Variants in ITPR2 observed in about 807,000 individuals in gnomAD.
ITPR2 encodes the protein inositol 1,4,5-trisphosphate receptor type 2.
In ITPR2, 207 loss-of-function variants were observed where a neutral mutation model predicts 317.1. The ratio of observed to expected loss-of-function variants is 0.65; its 90% CI spans 0.58 to 0.73. The LOEUF is 0.73. ITPR2 is among the 30% of genes least tolerant of loss of function. ITPR2 has a pLI of 0.00. For missense variants in ITPR2, 2,613 were observed against 3,284.0 expected (o/e 0.80, Z 4.99); for synonymous variants, 1,156 against 1,149.1 (o/e 1.01, Z -0.12).
chr12:26,522,972 G>A (rs1345403289), intron 37 of ITPR2, among the ~76,000 whole-genome samples: 4 of 152,192 alleles, frequency 2.6e-5, no homozygotes, highest in Non-Finnish European at 5.9e-5. Context: ...ACATTTCGAT[G>A]CCTTGGGTTT....
chr12:26,593,977 A>G (rs1374306953), intron 32 of ITPR2, among the ~76,000 whole-genome samples: 1 of 152,234 alleles, frequency 6.6e-6, no homozygotes, highest in Non-Finnish European at 1.5e-5. Flanking sequence ...AAATCAGTCT[A>G]TAATCTCTTT....
chr12:26,779,622 C>T (rs773644935), intron 2 of ITPR2, among the ~76,000 whole-genome samples: 5 of 152,142 alleles, frequency 3.3e-5, no homozygotes, highest in Non-Finnish European at 7.4e-5. Flanking sequence ...GGGCCTGGTT[C>T]GCAGATAGTT....
chr12:26,428,878 G>A (rs1318544010), intron 48 of ITPR2, among the ~76,000 whole-genome samples: 3 of 152,324 alleles, frequency 2.0e-5, no homozygotes, highest in South Asian at 2.1e-4. Context: ...AGTAAATTAA[G>A]AGGCAACATT....
chr12:26,824,970 A>T (rs1369821044), intron 1 of ITPR2, among the ~76,000 whole-genome samples: 1 of 152,180 alleles, frequency 6.6e-6, no homozygotes. Context: ...AGTGGCTCAC[A>T]CCTGTAATCC....
chr12:26,520,267 T>C (rs1292573178), intron 37 of ITPR2, among the ~76,000 whole-genome samples: 2 of 152,196 alleles, frequency 1.3e-5, no homozygotes, highest in Admixed American at 6.5e-5. Flanking sequence ...ACATCTAGGA[T>C]AGGCTTTGCC....
rs150539692 is a variant in ITPR2, at chr12:26,397,774, G to A, written c.7696+1102C>T. Among the ~76,000 whole-genome samples, 178 of 152,268 alleles carry A rather than the reference G, an allele frequency of 1.2e-3. 5 individuals are homozygous for A. The East Asian group carries it at 0.032, about 27-fold the overall frequency. On this transcript the variant is annotated intron_variant, in intron 54 of 56. Transcript: ENST00000381340. ...GACCCAATTTGTTACATACAGTAAC[G>A]TTGTAGTGAACCCTTAGGCTTGTTT...
chr12:26,568,001 ATATAT>A (rs1945046677), intron 34 of ITPR2, among the ~76,000 whole-genome samples: 2 of 5,540 alleles, frequency 3.6e-4, no homozygotes, highest in African/African-American at 8.8e-4. Flanking sequence ...TATATATTAT[ATATAT>A]TATATATATA....
At chr12:26,655,367 C>G (rs370863751) in intron 20 of ITPR2, among the ~76,000 whole-genome samples, 1 of 152,144 alleles carries the variant, frequency 6.6e-6, no homozygotes, top group African/African-American at 2.4e-5. Flanking sequence ...GTAATCCCAG[C>G]ACTTTGGGAG....
At chr12:26,680,919 T>A (rs867116239) in intron 13 of ITPR2, among the ~76,000 whole-genome samples, 16 of 152,088 alleles carry the variant, frequency 1.1e-4, no homozygotes, top group Admixed American at 2.0e-4. Flanking sequence ...AGTCACGGGG[T>A]GTTTGCTTCT....
In ITPR2 at chr12:26,580,098, T is replaced by A. The variant is rs1235043927; in HGVS notation, c.4438A>T (p.Thr1480Ser). 1.2e-6 allele frequency: 2 copies of A among 1,611,636 alleles called. No individual in the cohort carries two copies. Among genetic ancestry groups the A allele is most frequent in the Non-Finnish European group, 1.7e-6 (2 of 1,178,052 alleles). Residue 1480 changes from threonine to serine, a missense_variant, in exon 33 of 57, where the codon ACT (threonine) becomes TCT (serine). Thr to Ser is a moderately conservative substitution (Grantham distance 58, BLOSUM62 1). Transcript: ENST00000381340. ...HADIFLEKCV[T>S]ESIMNIVSGF... ...CTCACAATATTCATTATTGACTCAGTAACACACTTTTCCAAAAAGATGTCT... is the reference window on the plus strand; with the variant it reads ...CTCACAATATTCATTATTGACTCAGAAACACACTTTTCCAAAAAGATGTCT...
At chr12:26,379,700 C>G (rs1017164525) in intron 55 of ITPR2, among the ~76,000 whole-genome samples, 1 of 152,156 alleles carries the variant, frequency 6.6e-6, no homozygotes, top group Admixed American at 6.5e-5. Flanking sequence ...CTGATACAGC[C>G]AGAGGCCTCC....
intron 55 of ITPR2, among the ~76,000 whole-genome samples, chr12:26,380,841 T>C (rs1450738856): frequency 2.0e-5 from 3 of 152,214 alleles, no homozygotes; most frequent in Non-Finnish European, 2.9e-5. Context: ...CTGATTTTGA[T>C]TTCCAGACTC....
chr12:26,715,416 T>C lies in ITPR2; in HGVS notation c.738A>G (p.Glu246=). Residue 246 remains glutamate (E), a synonymous_variant, in exon 8 of 57, where the codon GAA becomes GAG. Transcript: ENST00000381340. ...CATCACAAGTCAAAAACTTCTCTTG[T>C]TCCGCATGAAATAATCTAACAACGT... ...GGDVVRLFHA[E]QEKFLTCDEY... The C allele has an allele frequency of 6.2e-7, 1 of 1,613,520 alleles. No individual in the cohort carries two copies.
chr12:26,775,959 T>TATATATACATA (rs1263788006), intron 2 of ITPR2, among the ~76,000 whole-genome samples: 30 of 145,040 alleles, frequency 2.1e-4, no homozygotes, highest in East Asian at 4.1e-4. Context: ...TATATGTATA[T>TATATATACATA]CCTATTAGTT....
chr12:26,518,056 A>C (rs1943572064), intron 37 of ITPR2, among the ~76,000 whole-genome samples: 1 of 152,224 alleles, frequency 6.6e-6, no homozygotes, highest in African/African-American at 2.4e-5. Context: ...TTTTAATATA[A>C]AGTCACATAT....
chr12:26,650,540 G>A (rs1170011410), intron 21 of ITPR2, among the ~76,000 whole-genome samples: 1 of 151,916 alleles, frequency 6.6e-6, no homozygotes, highest in Non-Finnish European at 1.5e-5. Context: ...ATGTTGGGGG[G>A]CAGGTGATAA....
At chr12:26,653,408 A>AT (rs1387068938) in intron 21 of ITPR2, among the ~76,000 whole-genome samples, 1 of 151,868 alleles carries the variant, frequency 6.6e-6, no homozygotes, top group Non-Finnish European at 1.5e-5. Flanking sequence ...TGCCCAGCTA[A>AT]TTTTTGCATT....
chr12:26,342,561 G>T (rs1438973238), intron 55 of ITPR2, among the ~76,000 whole-genome samples: 1 of 144,668 alleles, frequency 6.9e-6, no homozygotes, highest in Non-Finnish European at 1.5e-5. Context: ...TCTCACAGTA[G>T]TAAGTGAGCT....
At chr12:26,825,089 C>T (rs534980124) in intron 1 of ITPR2, among the ~76,000 whole-genome samples, 5 of 152,134 alleles carry the variant, frequency 3.3e-5, no homozygotes, top group Admixed American at 6.5e-5. Flanking sequence ...ATAAATTAGC[C>T]GAATGTGGTG....
Sources: allele counts gnomAD v4.1 joint callset (sites outside exome capture counted in the v4.1 genomes callset), GRCh38; gene constraint gnomAD v4.1.1; transcripts MANE v1.5; gene names NCBI Gene and HGNC (gene_info 2026-07-23, HGNC 2026-07-21).